Variants in PKHD1L1 observed in about 807,000 individuals in gnomAD.
The protein encoded by PKHD1L1 is PKHD1 like 1.
A neutral mutation model predicts 462.9 loss-of-function variants in PKHD1L1; 434 were observed. The observed-to-expected ratio is 0.94, with a 90% CI of 0.87 to 1.02. The LOEUF (loss-of-function observed/expected upper bound fraction) is 1.02, where lower values mean the gene tolerates loss of function less well. Among genes scored for constraint, PKHD1L1 ranks in the 50% least tolerant of loss-of-function variants. The probability of loss-of-function intolerance (pLI) is 0.00; values close to 1 mark genes in which losing one functional copy is unlikely to be tolerated. For missense variants in PKHD1L1, 5,202 were observed against 5,096.1 expected, an observed-to-expected ratio of 1.02 and a Z score of -0.63; for synonymous variants, 1,781 against 1,750.0, an observed-to-expected ratio of 1.02 and a Z score of -0.44.
At chr8:109,480,662 G>C (rs1257887424) in intron 55 of PKHD1L1, 1 of 451,524 alleles carries the variant, frequency 2.2e-6, no homozygotes, top group Admixed American at 2.4e-5. Flanking sequence ...CGATTGTCCT[G>C]TCAGTCTTGT....
chr8:109,410,114 T>C, intron 19 of PKHD1L1, 136 bp downstream of exon 19: 1 of 539,012 alleles, frequency 1.9e-6, no homozygotes, highest in Non-Finnish European at 3.2e-6. Context: ...GACTTTGTTA[T>C]ACATTTGTTG....
intron 21 of PKHD1L1, 113 bp from the exon 22 acceptor site, chr8:109,418,984 G>A (rs1293651516): frequency 1.1e-6 from 1 of 905,220 alleles, no homozygotes; most frequent in Non-Finnish European, 1.6e-6. Flanking sequence ...CTCCCCTGAT[G>A]GTCGTCTTGT....
intron 35 of PKHD1L1, 94 bp downstream of exon 35, chr8:109,442,289 T>C: frequency 8.3e-7 from 1 of 1,198,136 alleles, no homozygotes; most frequent in Non-Finnish European, 1.1e-6. Context: ...TATTTTTACA[T>C]AAATAATATA....
chr8:109,450,304 G>A (rs1230901357), intron 40 of PKHD1L1, among the ~76,000 whole-genome samples: 1 of 152,130 alleles, frequency 6.6e-6, no homozygotes, highest in Non-Finnish European at 1.5e-5. Flanking sequence ...TAAGAATAAA[G>A]GATATGTTTT....
intron 63 of PKHD1L1, among the ~76,000 whole-genome samples, chr8:109,495,859 G>T (rs148966938): frequency 6.6e-6 from 1 of 152,222 alleles, no homozygotes; most frequent in African/African-American, 2.4e-5. Flanking sequence ...ATTCATGCCT[G>T]TGTGGGGAGG....
At chr8:109,428,548 G>A (rs1563531144) in intron 25 of PKHD1L1, among the ~76,000 whole-genome samples, 1 of 151,954 alleles carries the variant, frequency 6.6e-6, no homozygotes, top group Non-Finnish European at 1.5e-5. Context: ...ATAAGGATAT[G>A]GGGGTTATTT....
At chr8:109,460,737 G>C (rs1042698111) in intron 47 of PKHD1L1, among the ~76,000 whole-genome samples, 1 of 152,192 alleles carries the variant, frequency 6.6e-6, no homozygotes, top group Non-Finnish European at 1.5e-5. Context: ...CAAAATGTCA[G>C]TGATTTAAAA....
Position 109,436,699 on chromosome 8 carries a change from T to G in PKHD1L1, c.3627+240T>G, listed in dbSNP as rs191768305. Among the ~76,000 whole-genome samples, 188 of 152,196 alleles carry G rather than the reference T, an allele frequency of 1.2e-3. 1 individual carries two copies. The highest frequency in any genetic ancestry group is 4.3e-3 in the African/African-American group (177 of 41,524). On this transcript the variant is annotated intron_variant, in intron 30 of 77. Coordinates refer to ENST00000378402, the MANE Select transcript of PKHD1L1 (RefSeq NM_177531.6). ...AAGAAAAGAGACACATAAACTAATA[T>G]TAAACAATGTATTTCATTTGAATTA...
intron 28 of PKHD1L1, among the ~76,000 whole-genome samples, chr8:109,434,849 T>A (rs1392700357): frequency 6.6e-6 from 1 of 151,984 alleles, no homozygotes; most frequent in African/African-American, 2.4e-5. Context: ...GACCAAAAAT[T>A]TTAGAATTAT....
At chr8:109,426,110 T>C (rs1267018628) in intron 24 of PKHD1L1, among the ~76,000 whole-genome samples, 2 of 152,108 alleles carry the variant, frequency 1.3e-5, no homozygotes, top group Non-Finnish European at 2.9e-5. Flanking sequence ...TCAGGGCAAG[T>C]GACATTTTTA....
At chr8:109,453,990 G>A (rs923422884) in intron 43 of PKHD1L1, among the ~76,000 whole-genome samples, 177 bp from the exon 44 acceptor site, 3 of 152,008 alleles carry the variant, frequency 2.0e-5, no homozygotes, top group Non-Finnish European at 4.4e-5. Context: ...ATGCTTTTAT[G>A]TTGCCAAAGA....
rs750123751 is a variant in PKHD1L1, at chr8:109,444,865, C to T, written c.4996C>T (p.Pro1666Ser). 1.2e-6 allele frequency: 2 copies of T among 1,613,942 alleles called. No individual in the cohort carries two copies. The highest frequency in any genetic ancestry group is 1.3e-5 in the African/African-American group (1 of 75,018). ...TTTGCCAAACATTGACCTGGTGTTG[C>T]CAAATGCAGGATCAACTACAGGAAT... ...VLLPNIDLVL[P>S]NAGSTTGMTS... Residue 1666 changes from proline to serine, a missense_variant, in exon 38 of 78, where the codon CCA (proline) becomes TCA (serine). Coordinates refer to ENST00000378402, the MANE Select transcript of PKHD1L1 (RefSeq NM_177531.6).
chr8:109,488,537 T>G (rs146594471), intron 59 of PKHD1L1, among the ~76,000 whole-genome samples: 9 of 152,160 alleles, frequency 5.9e-5, no homozygotes, highest in African/African-American at 2.2e-4. Flanking sequence ...TGGAAGATGT[T>G]ATTTGGATCC....
chr8:109,362,720 G>C, intron 1 of PKHD1L1, 67 bp downstream of exon 1: 1 of 1,518,732 alleles, frequency 6.6e-7, no homozygotes, highest in Admixed American at 2.0e-5. Flanking sequence ...CCTGCTCCCG[G>C]GGTCCTGGGA....
Position 109,509,621 on chromosome 8 carries a change from A to G in PKHD1L1, c.11396-1156A>G, listed in dbSNP as rs574895884. Among the ~76,000 whole-genome samples, 9 of 151,538 alleles carry G rather than the reference A, an allele frequency of 5.9e-5. No homozygotes were observed. In the East Asian group the frequency reaches 1.7e-3, roughly 29 times the overall value. ...AAATCACTGAAGTTTCCTTTTGAAT[A>G]TTAATATTAAATTTTATTTATTTTA... is the stretch of plus-strand genomic sequence containing the variant. On this transcript the variant is annotated intron_variant, in intron 70 of 77. Transcript: ENST00000378402.
chr8:109,456,943 G>C lies in PKHD1L1; in HGVS notation c.7004+552G>C, dbSNP rs150729869. ...AAGTGATGATTCACATAACCTTTTA[G>C]GTGCCTGTTATTTTAAAACCGAAAC... On this transcript the variant is annotated intron_variant, in intron 46 of 77. Transcript: ENST00000378402. Among the ~76,000 whole-genome samples the C allele has an allele frequency of 1.8e-3, 278 of 152,172 alleles. 1 individual carries two copies. Among genetic ancestry groups the C allele is most frequent in the African/African-American group, 6.4e-3 (267 of 41,540 alleles).
chr8:109,410,726 C>CTTTTT lies in PKHD1L1; in HGVS notation c.2085+765_2085+769dup, dbSNP rs71303459. Among the ~76,000 whole-genome samples the CTTTTT allele has an allele frequency of 3.9e-3, 268 of 68,360 alleles. 35 individuals are homozygous for CTTTTT. The highest frequency in any genetic ancestry group is 9.4e-3 in the African/African-American group (115 of 12,252). The allele number at this position is 68,360 out of a possible 152,430, so 44.8% of individuals were successfully genotyped here. On this transcript the variant is annotated intron_variant, in intron 19 of 77. Coordinates refer to ENST00000378402, the MANE Select transcript of PKHD1L1 (RefSeq NM_177531.6). ...TTCTTTTTTCTTTTCTTTTCTTTTT[C>CTTTTT]TTTTTTTTTTTTTTTTTTTTTGAGA...
In PKHD1L1 at chr8:109,439,064, G is replaced by T; in HGVS notation, c.3928G>T (p.Val1310Phe). ...TGGAAAACATGATATCTATGTAGAA[G>T]TCAGAAACTGGGGTTTTGCATCAAC... ...SPGKHDIYVE[V>F]RNWGFASTRD... is the part of the protein sequence containing the mutation. Residue 1310 changes from valine (V) to phenylalanine (F), a missense_variant, in exon 32 of 78, where the codon GTC becomes TTC. Around this residue, in one of 3 missense-constraint regions of PKHD1L1, gnomAD observed 4,497 missense variants for 4,336.8 expected, o/e 1.04. Transcript: ENST00000378402. 6.2e-7 allele frequency: 1 copy of T among 1,613,116 alleles called. No homozygotes were observed. The highest frequency in any genetic ancestry group is 8.5e-7 in the Non-Finnish European group (1 of 1,179,542).
chr8:109,413,878 T>C (rs1813990814), intron 21 of PKHD1L1, among the ~76,000 whole-genome samples: 1 of 152,096 alleles, frequency 6.6e-6, no homozygotes, highest in South Asian at 2.1e-4. Flanking sequence ...TGCTGGAAGG[T>C]AGAAAGAGAC....
Sources: gnomAD v4.1 joint callset for allele counts (sites outside exome capture counted in the v4.1 genomes callset) on GRCh38, gnomAD v4.1.1 for gene constraint, gnomAD v4.1.1 regional missense constraint, MANE v1.5 for transcripts, NCBI Gene and HGNC (gene_info 2026-07-23, HGNC 2026-07-21) for gene names.